ATOSA: variants seen among roughly 807,000 people sequenced by gnomAD.
The protein encoded by ATOSA is atos homolog A, also known as atos homolog protein A.
At chr15:52,607,963 C>G in the ATOSA span, among the ~76,000 whole-genome samples, 6 of 152,168 alleles carry the variant, frequency 3.9e-5, no homozygotes, top group Non-Finnish European at 7.3e-5. Context: ...TCACTGCAAC[C>G]TTCAACTCCT....
At chr15:52,625,534 T>A in the ATOSA span, among the ~76,000 whole-genome samples, 1 of 152,190 alleles carries the variant, frequency 6.6e-6, no homozygotes, top group African/African-American at 2.4e-5. Flanking sequence ...GATCAACTTA[T>A]CAACTATAAG....
At chr15:52,609,668 C>T in the ATOSA span, 4,451 of 1,613,626 alleles carry the variant, frequency 2.8e-3, 8 homozygotes, top group Non-Finnish European at 3.4e-3. Context: ...CCCACGTTCT[C>T]ATTTTCTTGT....
At chr15:52,600,290 T>A in the ATOSA span, 21 of 1,065,306 alleles carry the variant, frequency 2.0e-5, no homozygotes, top group South Asian at 8.4e-5. Context: ...CTTTTTTTTT[T>A]AATCTTGAGA....
the ATOSA span, among the ~76,000 whole-genome samples, chr15:52,614,198 T>C: frequency 6.6e-6 from 1 of 152,026 alleles, no homozygotes; most frequent in Non-Finnish European, 1.5e-5. Flanking sequence ...CTCCGCCTCC[T>C]GGGTTCAAGC....
At chr15:52,642,176 G>C in the ATOSA span, among the ~76,000 whole-genome samples, 1 of 152,170 alleles carries the variant, frequency 6.6e-6, no homozygotes, top group Non-Finnish European at 1.5e-5. Context: ...TAGCTAAATA[G>C]CAGATCTTAA....
chr15:52,600,195 G>A, the ATOSA span: 1 of 1,611,316 alleles, frequency 6.2e-7, no homozygotes, highest in African/African-American at 1.3e-5. Context: ...GGTTTTTCAT[G>A]AATATCTGGA....
chr15:52,708,774 A>G, the ATOSA span, among the ~76,000 whole-genome samples: 1 of 152,110 alleles, frequency 6.6e-6, no homozygotes, highest in African/African-American at 2.4e-5. Flanking sequence ...CCAGTTGTTT[A>G]CAGATAGCTA....
At chr15:52,613,916 C>T in the ATOSA span, 1 of 1,378,438 alleles carries the variant, frequency 7.3e-7, no homozygotes, top group Non-Finnish European at 1.0e-6. Context: ...AAGAACTCAT[C>T]TGGTCTGCCT....
chr15:52,602,669 C>T, the ATOSA span, among the ~76,000 whole-genome samples: 1 of 152,134 alleles, frequency 6.6e-6, no homozygotes, highest in African/African-American at 2.4e-5. Flanking sequence ...GATTTAGGTA[C>T]AATTTCTTTC....
At chr15:52,701,839 G>C in the ATOSA span, among the ~76,000 whole-genome samples, 30 of 151,996 alleles carry the variant, frequency 2.0e-4, no homozygotes, top group Admixed American at 1.4e-3. Context: ...TACAGAAAGA[G>C]CTTTGAAAAT....
At chr15:52,623,209 C>T in the ATOSA span, among the ~76,000 whole-genome samples, 1,559 of 150,962 alleles carry the variant, frequency 0.01, 25 homozygotes, top group African/African-American at 0.036. Flanking sequence ...TATAGGATTT[C>T]GAAAATAGGA....
the ATOSA span, among the ~76,000 whole-genome samples, chr15:52,706,918 A>G: frequency 6.6e-6 from 1 of 152,128 alleles, no homozygotes. Flanking sequence ...GACTGCTAGC[A>G]GGTATGGGGT....
At chr15:52,699,640 A>C in the ATOSA span, among the ~76,000 whole-genome samples, 2 of 151,728 alleles carry the variant, frequency 1.3e-5, no homozygotes, top group African/African-American at 4.8e-5. Flanking sequence ...CTTTTGTCTC[A>C]GAGAATCTAA....
At chr15:52,583,702 A>T in the ATOSA span, among the ~76,000 whole-genome samples, 1 of 152,172 alleles carries the variant, frequency 6.6e-6, no homozygotes, top group Non-Finnish European at 1.5e-5. Flanking sequence ...TGTCTTTTAA[A>T]AAAAGTTTTC....
chr15:52,584,632 C>T, the ATOSA span: 1 of 888,424 alleles, frequency 1.1e-6, no homozygotes, highest in Admixed American at 2.9e-5. Flanking sequence ...AGTTCCCAAG[C>T]TAAGCAAAGT....
the ATOSA span, among the ~76,000 whole-genome samples, chr15:52,701,502 T>C: frequency 6.6e-5 from 10 of 152,228 alleles, no homozygotes; most frequent in Non-Finnish European, 1.5e-4. Context: ...AATAAACTTT[T>C]GAGATTTCAG....
At chr15:52,620,498 AAG>A in the ATOSA span, among the ~76,000 whole-genome samples, 1 of 152,204 alleles carries the variant, frequency 6.6e-6, no homozygotes, top group Non-Finnish European at 1.5e-5. Context: ...ATGGGAGTGG[AAG>A]AAGAGTGTCT....
At chr15:52,588,433 AATT>A in the ATOSA span, among the ~76,000 whole-genome samples, 3 of 151,826 alleles carry the variant, frequency 2.0e-5, no homozygotes, top group South Asian at 2.1e-4. Flanking sequence ...TGTGATACTT[AATT>A]ATTATTATTA....
chr15:52,685,640 C>A, the ATOSA span, among the ~76,000 whole-genome samples: 1 of 152,064 alleles, frequency 6.6e-6, no homozygotes, highest in Non-Finnish European at 1.5e-5. Flanking sequence ...TGCCATGTTG[C>A]CCAGGCTGGT....
Sources: allele counts gnomAD v4.1 joint callset (sites outside exome capture counted in the v4.1 genomes callset), GRCh38; gene constraint gnomAD v4.1.1; transcripts MANE v1.5; gene names NCBI Gene and HGNC (gene_info 2026-07-23, HGNC 2026-07-21).